Variants in KAT7 observed in about 807,000 individuals in gnomAD.
KAT7 encodes lysine acetyltransferase 7, also known as histone acetyltransferase KAT7.
A neutral mutation model predicts 82.1 loss-of-function variants in KAT7; 10 were observed. That is an observed-to-expected ratio of 0.12 (90% CI 0.08 to 0.21). The LOEUF is 0.21. KAT7 is among the 10% of genes least tolerant of loss of function. The pLI is 1.00. For missense variants in KAT7, 378 were observed against 760.9 expected (o/e 0.50, Z 5.92); for synonymous variants, 250 against 262.5 (o/e 0.95, Z 0.46).
intron 9 of KAT7, among the ~76,000 whole-genome samples, chr17:49,820,303 T>C (rs2074286293): frequency 6.6e-6 from 1 of 152,106 alleles, no homozygotes; most frequent in Admixed American, 6.5e-5. Flanking sequence ...CTTTTTTTTT[T>C]TTGAGACAGA....
chr17:49,797,367 T>TTC (rs1373966373), intron 3 of KAT7, among the ~76,000 whole-genome samples: 1 of 152,170 alleles, frequency 6.6e-6, no homozygotes, highest in African/African-American at 2.4e-5. Context: ...CCAGCCTCCT[T>TTC]TCTTATACAT....
At chr17:49,808,644 G>T (rs1199575822) in intron 5 of KAT7, among the ~76,000 whole-genome samples, 1 of 151,692 alleles carries the variant, frequency 6.6e-6, no homozygotes, top group African/African-American at 2.4e-5. Flanking sequence ...TAGAGACGGG[G>T]TTTCACCATG....
intron 9 of KAT7, among the ~76,000 whole-genome samples, chr17:49,819,612 A>C (rs1229096476): frequency 6.6e-6 from 1 of 152,232 alleles, no homozygotes; most frequent in South Asian, 2.1e-4. Flanking sequence ...TCAAATAAAC[A>C]TTCTGAATAT....
chr17:49,815,935 C>T, intron 8 of KAT7, 22 bp downstream of exon 8: 1 of 1,418,086 alleles, frequency 7.1e-7, no homozygotes, highest in African/African-American at 1.4e-5. Flanking sequence ...AACCTCCAAA[C>T]TGAAGGCCGC....
At chr17:49,822,245 T>C (rs1056212372) in intron 11 of KAT7, among the ~76,000 whole-genome samples, 1 of 152,026 alleles carries the variant, frequency 6.6e-6, no homozygotes, top group Non-Finnish European at 1.5e-5. Flanking sequence ...TTTTTTTTTT[T>C]CTGACAGAGT....
chr17:49,800,010 CTTTT>C (rs10694119), intron 4 of KAT7, among the ~76,000 whole-genome samples: 1 of 98,436 alleles, frequency 1.0e-5, no homozygotes, highest in Admixed American at 1.3e-4. Context: ...GTTTCCTGGC[CTTTT>C]TTTTTTTTTT....
In KAT7 at chr17:49,798,506, T is replaced by G. The variant is rs201607921; in HGVS notation, c.528T>G (p.His176Gln). ...ATCGCCCCAAGCGCCGTCGCTTCCA[T>G]GAAAGCTACAACTTCAATATGAAGT... The part of the protein sequence containing the change: ...LSHRPKRRRF[H>Q]ESYNFNMKCP... Residue 176 changes from histidine to glutamine, a missense_variant, in exon 4 of 15, where the codon CAT becomes CAG. Coordinates refer to ENST00000259021, the MANE Select transcript of KAT7 (RefSeq NM_007067.5). 183 of 1,613,958 alleles carry G rather than the reference T, an allele frequency of 1.1e-4. No homozygotes were observed. Among genetic ancestry groups the G allele is most frequent in the Admixed American group, 3.5e-4 (21 of 59,996 alleles).
At chr17:49,799,841 TC>T (rs2074001223) in intron 4 of KAT7, among the ~76,000 whole-genome samples, 1 of 151,434 alleles carries the variant, frequency 6.6e-6, no homozygotes, top group Non-Finnish European at 1.5e-5. Context: ...TTTTTTTTTT[TC>T]TTGTTTTTTA....
chr17:49,791,862 A>G (rs2073893487), intron 1 of KAT7, 24 bp from the exon 2 acceptor site: 1 of 1,609,984 alleles, frequency 6.2e-7, no homozygotes, highest in African/African-American at 1.3e-5. Context: ...TTCTGTGCTA[A>G]TATCTGGATC....
intron 3 of KAT7, 39 bp downstream of exon 3, chr17:49,796,965 A>C: frequency 6.4e-7 from 1 of 1,572,986 alleles, no homozygotes; most frequent in Non-Finnish European, 8.7e-7. Flanking sequence ...ATTACAGAGC[A>C]TCTGGGTGAA....
At chr17:49,821,577 G>A (rs1567863690) in intron 10 of KAT7, 73 bp from the exon 11 acceptor site, 1 of 1,556,758 alleles carries the variant, frequency 6.4e-7, no homozygotes, top group Non-Finnish European at 8.8e-7. Flanking sequence ...ATTATGGTAT[G>A]TTTGTGAATT....
chr17:49,825,775 A>G (rs1240216077), intron 12 of KAT7, among the ~76,000 whole-genome samples: 1 of 152,210 alleles, frequency 6.6e-6, no homozygotes, highest in Non-Finnish European at 1.5e-5. Context: ...TTCCCTGTGA[A>G]TAAGAGGGGA....
At chr17:49,796,471 C>T (rs2073957665) in intron 2 of KAT7, among the ~76,000 whole-genome samples, 1 of 152,142 alleles carries the variant, frequency 6.6e-6, no homozygotes, top group Admixed American at 6.5e-5. Flanking sequence ...AATAACTTGC[C>T]CAAGATGCCA....
chr17:49,794,566 G>A (rs148658958), intron 2 of KAT7, among the ~76,000 whole-genome samples: 145 of 152,348 alleles, frequency 9.5e-4, no homozygotes, highest in African/African-American at 3.3e-3. Context: ...GATTACAGGC[G>A]TGAGCCGCCG....
intron 8 of KAT7, among the ~76,000 whole-genome samples, chr17:49,817,006 T>A (rs1322278535): frequency 6.6e-6 from 1 of 152,138 alleles, no homozygotes; most frequent in Non-Finnish European, 1.5e-5. Context: ...AGAGTTTAGA[T>A]TCTAGAATTA....
At chr17:49,818,572 G>A (rs1271010220) in intron 9 of KAT7, among the ~76,000 whole-genome samples, 5 of 151,944 alleles carry the variant, frequency 3.3e-5, no homozygotes, top group Admixed American at 6.6e-5. Context: ...ATCTGTTATT[G>A]TTGACAAATA....
Position 49,796,860 on chromosome 17 carries a change from T to C in KAT7, c.274T>C (p.Tyr92His). 2 of 1,614,082 alleles carry C rather than the reference T, an allele frequency of 1.2e-6. No homozygotes were observed. Among genetic ancestry groups the C allele is most frequent in the Non-Finnish European group, 1.7e-6 (2 of 1,180,002 alleles). ...QQPTPVTPKKYPLRQTRSSGS... is the reference protein window; with the variant it reads ...QQPTPVTPKKHPLRQTRSSGS... ...GCCTACCCCAGTGACACCGAAAAAA[T>C]ACCCTCTTCGGCAGACTCGTTCATC... Residue 92 changes from tyrosine (Y) to histidine (H), a missense_variant, in exon 3 of 15, where the codon TAC becomes CAC. Tyr to His is a moderately conservative substitution (Grantham distance 83, BLOSUM62 2). Transcript: ENST00000259021.
At chr17:49,827,292 T>C (rs190618308) in intron 14 of KAT7, 109 bp from the exon 15 acceptor site, 8 of 692,740 alleles carry the variant, frequency 1.2e-5, no homozygotes, top group East Asian at 7.9e-5. Flanking sequence ...TACCCTAATA[T>C]GTTGTTAAAC....
intron 4 of KAT7, among the ~76,000 whole-genome samples, chr17:49,799,936 C>T (rs1417710608): frequency 6.6e-6 from 1 of 151,202 alleles, no homozygotes; most frequent in Non-Finnish European, 1.5e-5. Context: ...TGCTGAGTAG[C>T]TGGGACTACA....
Sources: allele counts gnomAD v4.1 joint callset (sites outside exome capture counted in the v4.1 genomes callset), GRCh38; gene constraint gnomAD v4.1.1; transcripts MANE v1.5; gene names NCBI Gene and HGNC (gene_info 2026-07-23, HGNC 2026-07-21).